The following GALNT12 variants were observed in gnomAD, a reference collection of about 807,000 sequenced individuals.
GALNT12 encodes the protein UDP-GalNAc:polypeptide N-acetylgalactosaminyltransferase 12.
In GALNT12, 45 loss-of-function variants were observed where a neutral mutation model predicts 55.5. That is an observed-to-expected ratio of 0.81 (90% CI 0.64 to 1.04). The LOEUF (loss-of-function observed/expected upper bound fraction) is 1.04. GALNT12 is among the 50% of genes least tolerant of loss of function. The pLI is 0.00. For missense variants in GALNT12, 709 were observed against 754.8 expected (o/e 0.94, Z 0.71); for synonymous variants, 304 against 312.2 (o/e 0.97, Z 0.28).
chr9:98,839,079 A>G (rs967699978), intron 6 of GALNT12, among the ~76,000 whole-genome samples: 5 of 151,380 alleles, frequency 3.3e-5, no homozygotes, highest in Admixed American at 6.6e-5. Flanking sequence ...AGAAACACCC[A>G]CTCTTTCCTC....
intron 3 of GALNT12, 23 bp from the exon 4 acceptor site, chr9:98,831,749 A>G (rs753271166): frequency 1.2e-6 from 2 of 1,614,098 alleles, no homozygotes; most frequent in African/African-American, 1.3e-5. Flanking sequence ...GGAGAGACGG[A>G]TGGATGTCTT....
At chr9:98,841,912 A>G (rs935822407) in intron 7 of GALNT12, among the ~76,000 whole-genome samples, 3 of 151,888 alleles carry the variant, frequency 2.0e-5, no homozygotes, top group Admixed American at 2.0e-4. Flanking sequence ...TACTGACCTC[A>G]GGTGATCTGC....
rs773891669 is a variant in GALNT12, at chr9:98,835,256, A to G, written c.925A>G (p.Thr309Ala). 2.5e-5 allele frequency: 41 copies of G among 1,611,948 alleles called. No homozygotes were observed. The highest frequency in any genetic ancestry group is 3.1e-5 in the Non-Finnish European group (37 of 1,178,076). The change falls in exon 5 of 10, where the codon ACA (threonine) becomes GCA (alanine). Residue 309 changes from threonine (T) to alanine (A), a missense_variant. Thr to Ala is a moderately conservative substitution (Grantham distance 58). Coordinates refer to ENST00000375011, the MANE Select transcript of GALNT12 (RefSeq NM_024642.5). The part of the protein sequence containing the change: ...QSPVDVIRSP[T>A]MAGGLFAVSK... ...GATATCATACTTTTTTAGGTCTCCA[A>G]CAATGGCTGGTGGGCTGTTTGCTGT...
intron 9 of GALNT12, among the ~76,000 whole-genome samples, chr9:98,846,747 A>G (rs1836426115): frequency 6.6e-6 from 1 of 150,966 alleles, no homozygotes; most frequent in Non-Finnish European, 1.5e-5. Flanking sequence ...AGTCCCATCT[A>G]CTTGGGAGGC....
At chr9:98,833,000 T>C (rs766718302) in intron 4 of GALNT12, among the ~76,000 whole-genome samples, 1 of 152,152 alleles carries the variant, frequency 6.6e-6, no homozygotes, top group Non-Finnish European at 1.5e-5. Flanking sequence ...GCTGGTCATA[T>C]GCTCATTCTT....
Position 98,840,024 on chromosome 9 carries a change from A to C in GALNT12, c.1235A>C (p.Glu412Ala). The C allele has an allele frequency of 6.2e-7, 1 of 1,614,154 alleles. No individual in the cohort carries two copies. Among genetic ancestry groups the C allele is most frequent in the Non-Finnish European group, 8.5e-7 (1 of 1,180,016 alleles). The stretch of plus-strand genomic sequence containing the variant: ...CAGGAACCTTTTGGGGATGTGACAG[A>C]GAGGAAGCAGCTCCGGGACAAGCTC... ...ARLEPFGDVTERKQLRDKLQC... is the reference protein window; with the variant it reads ...ARLEPFGDVTARKQLRDKLQC... Residue 412 changes from glutamate to alanine, a missense_variant, in exon 7 of 10, where the codon GAG becomes GCG. Coordinates refer to ENST00000375011, the MANE Select transcript of GALNT12 (RefSeq NM_024642.5).
At chr9:98,827,203 T>C (rs142278557) in intron 3 of GALNT12, among the ~76,000 whole-genome samples, 1 of 152,316 alleles carries the variant, frequency 6.6e-6, no homozygotes, top group African/African-American at 2.4e-5. Context: ...TTTCTTTTTA[T>C]TTTTTGAGAC....
At chr9:98,833,316 T>C (rs764028955) in intron 4 of GALNT12, among the ~76,000 whole-genome samples, 1 of 152,208 alleles carries the variant, frequency 6.6e-6, no homozygotes, top group Non-Finnish European at 1.5e-5. Flanking sequence ...GTTGGGCTTC[T>C]GAATTCTTTC....
At chr9:98,825,974 CAAAAAA>C (rs58512059) in intron 2 of GALNT12, among the ~76,000 whole-genome samples, 12 of 136,372 alleles carry the variant, frequency 8.8e-5, no homozygotes, top group African/African-American at 3.0e-4. Flanking sequence ...GACCCTGTCT[CAAAAAA>C]AAAAAAATCA....
At chr9:98,817,665 T>C (rs1835644437) in intron 1 of GALNT12, among the ~76,000 whole-genome samples, 1 of 152,124 alleles carries the variant, frequency 6.6e-6, no homozygotes, top group South Asian at 2.1e-4. Context: ...GGTTTCACTA[T>C]GTTGGTCAGG....
chr9:98,818,774 C>T (rs931468863), intron 1 of GALNT12, among the ~76,000 whole-genome samples: 4 of 152,150 alleles, frequency 2.6e-5, no homozygotes, highest in African/African-American at 9.7e-5. Context: ...GTATGTATTA[C>T]TGCAAAATTT....
chr9:98,834,645 C>T (rs1014616351), intron 4 of GALNT12, among the ~76,000 whole-genome samples: 13 of 152,220 alleles, frequency 8.5e-5, no homozygotes, highest in African/African-American at 2.4e-4. Flanking sequence ...ACCTGGCCCT[C>T]GGGGCACTTT....
In GALNT12 at chr9:98,813,644, C is replaced by T. The variant is rs915353855; in HGVS notation, c.371+5575C>T. 5.9e-5 allele frequency among the ~76,000 whole-genome samples: 9 copies of T among 152,006 alleles called. No individual in the cohort carries two copies. In the East Asian group the frequency reaches 1.7e-3, roughly 29 times the overall value. On this transcript the variant is annotated intron_variant, in intron 1 of 9. Coordinates refer to ENST00000375011, the MANE Select transcript of GALNT12 (RefSeq NM_024642.5). Reference sequence around the variant, plus strand: ...TCTCCCTAGTAGCTGGGATTATAGGCGCCTGCCACCATGCCCTGCTAATTT... The same window carrying T: ...TCTCCCTAGTAGCTGGGATTATAGGTGCCTGCCACCATGCCCTGCTAATTT...
At position 98,826,864 on chromosome 9, in the gene GALNT12, G is replaced by T. The variant is rs745820082; in HGVS notation, c.654G>T (p.Ala218=). ...GAGCCCGGCTGCTGGGGGCGTCTGC[G>T]GCGAGGGGCGATGTTCTGACCTTCC... is the stretch of plus-strand genomic sequence containing the variant. ...LVRARLLGAS[A]ARGDVLTFLD... Residue 218 remains alanine, a synonymous_variant, in exon 3 of 10, where the codon GCG becomes GCT. Coordinates refer to ENST00000375011, the MANE Select transcript of GALNT12 (RefSeq NM_024642.5). 1 of 1,601,136 alleles carries T rather than the reference G, an allele frequency of 6.2e-7. No homozygotes were observed. The highest frequency in any genetic ancestry group is 1.7e-5 in the Admixed American group (1 of 58,284).
chr9:98,845,912 G>C, intron 8 of GALNT12, 65 bp from the exon 9 acceptor site: 2 of 1,570,436 alleles, frequency 1.3e-6, no homozygotes, highest in Non-Finnish European at 1.7e-6. Flanking sequence ...TTCTTGTCCA[G>C]CGATCTTTCC....
At chr9:98,821,170 C>T (rs544772938) in intron 1 of GALNT12, among the ~76,000 whole-genome samples, 146 of 152,174 alleles carry the variant, frequency 9.6e-4, no homozygotes, top group African/African-American at 3.3e-3. Flanking sequence ...CCATCATGCC[C>T]GGCTAATTTT....
intron 6 of GALNT12, among the ~76,000 whole-genome samples, chr9:98,837,585 G>A (rs535127670): frequency 3.3e-5 from 5 of 152,292 alleles, no homozygotes; most frequent in Admixed American, 2.6e-4. Context: ...TACCTAGCAC[G>A]TGTTATTTTC....
At chr9:98,837,171 A>C (rs750711525) in intron 6 of GALNT12, 23 bp downstream of exon 6, 9 of 1,613,070 alleles carry the variant, frequency 5.6e-6, no homozygotes, top group South Asian at 1.1e-5. Context: ...GCCCACCTGC[A>C]CTCCATCTGG....
At chr9:98,822,441 G>C (rs1239310414) in intron 1 of GALNT12, among the ~76,000 whole-genome samples, 117 of 152,332 alleles carry the variant, frequency 7.7e-4, no homozygotes, top group African/African-American at 2.8e-3. Context: ...GCTAAACAAA[G>C]AGGGAGCTTA....
Sources: allele counts gnomAD v4.1 joint callset (sites outside exome capture counted in the v4.1 genomes callset), GRCh38; gene constraint gnomAD v4.1.1; transcripts MANE v1.5; gene names NCBI Gene and HGNC (gene_info 2026-07-23, HGNC 2026-07-21).